The following EPM2A variants were observed in gnomAD, a reference collection of about 807,000 sequenced individuals.
EPM2A encodes EPM2A glucan phosphatase, laforin.
EPM2A carries 21 observed loss-of-function variants against 26.5 expected under a neutral mutation model. The ratio of observed to expected loss-of-function variants is 0.79; its 90% CI spans 0.56 to 1.14. The LOEUF is 1.14. Ranked by LOEUF, EPM2A falls within the 50% of genes most tolerant of loss-of-function variation. EPM2A has a pLI of 0.00. For synonymous variants in EPM2A, 217 were observed against 177.6 expected, an observed-to-expected ratio of 1.22 and a Z score of -1.76; for missense variants, 458 against 440.8, an observed-to-expected ratio of 1.04 and a Z score of -0.35.
chr6:145,524,165 T>C (rs1245745329), intron 2 of EPM2A, among the ~76,000 whole-genome samples: 2 of 152,224 alleles, frequency 1.3e-5, no homozygotes, highest in East Asian at 3.8e-4. Context: ...ATGTATGTAC[T>C]ATATTTTCTT....
chr6:145,725,234 A>T (rs1776141623), intron 1 of EPM2A, among the ~76,000 whole-genome samples: 1 of 152,124 alleles, frequency 6.6e-6, no homozygotes, highest in Non-Finnish European at 1.5e-5. Context: ...GCACATCTAA[A>T]CAATGAGATA....
chr6:145,596,082 G>T (rs1287358262), intron 2 of EPM2A, among the ~76,000 whole-genome samples: 2 of 152,136 alleles, frequency 1.3e-5, no homozygotes, highest in Admixed American at 6.5e-5. Context: ...AGTCAAGGAA[G>T]TATGTTTGTA....
At chr6:145,620,763 G>T (rs575688582), downstream of EPM2A, among the ~76,000 whole-genome samples, 13 of 152,068 alleles carry the variant, frequency 8.5e-5, no homozygotes, top group South Asian at 2.7e-3. Context: ...TGCCATACTA[G>T]TTCATTTAAT....
intron 2 of EPM2A, chr6:145,670,969 A>G (rs1171401306): frequency 2.0e-6 from 2 of 984,430 alleles, no homozygotes; most frequent in Non-Finnish European, 2.4e-6. Flanking sequence ...ACTGATATGA[A>G]CAATTGTAAT....
intron 2 of EPM2A, among the ~76,000 whole-genome samples, chr6:145,662,931 A>C (rs1022326964): frequency 1.3e-5 from 2 of 152,028 alleles, no homozygotes; most frequent in African/African-American, 4.8e-5. Context: ...GTCAAAATAC[A>C]ATCTTAAGAC....
chr6:145,498,401 A>G (rs1394544717), downstream of EPM2A, among the ~76,000 whole-genome samples: 3 of 152,180 alleles, frequency 2.0e-5, no homozygotes, highest in African/African-American at 7.2e-5. Flanking sequence ...CACTTTTACC[A>G]GGGATCCTGG....
At chr6:145,420,693 T>C (rs1582741688) in intron 4 of EPM2A, among the ~76,000 whole-genome samples, 1 of 152,270 alleles carries the variant, frequency 6.6e-6, no homozygotes, top group Middle Eastern at 3.4e-3. Flanking sequence ...TCTTACTGCC[T>C]TAGTTCATTT....
chr6:145,386,583 G>T (rs1191140571), intron 4 of EPM2A, among the ~76,000 whole-genome samples: 1 of 151,892 alleles, frequency 6.6e-6, no homozygotes, highest in Non-Finnish European at 1.5e-5. Flanking sequence ...TTTTTTTAAA[G>T]TTCTTCACAC....
chr6:145,680,619 C>T (rs1227180584), intron 2 of EPM2A, among the ~76,000 whole-genome samples: 8 of 151,634 alleles, frequency 5.3e-5, no homozygotes, highest in African/African-American at 1.9e-4. Context: ...TCAATTCCCA[C>T]CTATGAGTGA....
At chr6:145,619,232 A>C (rs967925497) in intron 2 of EPM2A, among the ~76,000 whole-genome samples, 3 of 152,170 alleles carry the variant, frequency 2.0e-5, no homozygotes, top group African/African-American at 7.2e-5. Context: ...TTGATATATA[A>C]GCCTTGTACT....
chr6:145,576,245 G>A (rs148568326), intron 2 of EPM2A, among the ~76,000 whole-genome samples: 54 of 152,294 alleles, frequency 3.5e-4, no homozygotes, highest in African/African-American at 1.2e-3. Flanking sequence ...GCTACATGGG[G>A]AATGGAAAGA....
chr6:145,694,092 T>G (rs916761172), intron 1 of EPM2A, among the ~76,000 whole-genome samples: 1 of 152,044 alleles, frequency 6.6e-6, no homozygotes, highest in Non-Finnish European at 1.5e-5. Flanking sequence ...TGGATAGGTG[T>G]AGTCTCCTTA....
intron 4 of EPM2A, among the ~76,000 whole-genome samples, chr6:145,460,943 G>A (rs970405195): frequency 3.3e-5 from 5 of 151,956 alleles, no homozygotes; most frequent in Non-Finnish European, 4.4e-5. Flanking sequence ...GGAGCATATC[G>A]ACATGAAGTA....
In EPM2A at chr6:145,627,301, G is replaced by C; in HGVS notation, c.*115C>G. 2 of 1,586,984 alleles carry C rather than the reference G, an allele frequency of 1.3e-6. No individual in the cohort carries two copies. Among genetic ancestry groups the C allele is most frequent in the Non-Finnish European group, 1.7e-6 (2 of 1,173,468 alleles). On this transcript the variant is annotated 3_prime_UTR_variant, in exon 4 of 4. Transcript: ENST00000367519. The stretch of plus-strand genomic sequence containing the variant: ...ATCCCAGGTGAAAGTGGTTGGCTTG[G>C]GGGAGGTCACACAGTCCTTTCAGTT...
At chr6:145,656,197 C>G (rs550581901) in intron 2 of EPM2A, among the ~76,000 whole-genome samples, 1 of 152,334 alleles carries the variant, frequency 6.6e-6, no homozygotes, top group South Asian at 2.1e-4. Flanking sequence ...AAAAACTAAA[C>G]TAGCAAGTAG....
At chr6:145,633,849 G>A (rs963064800) in intron 3 of EPM2A, 1 of 152,228 alleles carries the variant, frequency 6.6e-6, no homozygotes, top group African/African-American at 2.4e-5. Context: ...AGCTGGTAAA[G>A]TTGCTGTCTG....
chr6:145,483,365 T>C (rs1351187513), intron 4 of EPM2A, among the ~76,000 whole-genome samples: 1 of 151,988 alleles, frequency 6.6e-6, no homozygotes, highest in Non-Finnish European at 1.5e-5. Flanking sequence ...TTTCTATACC[T>C]CTCTGAAACA....
chr6:145,507,975 G>C (rs776418525), intron 2 of EPM2A, among the ~76,000 whole-genome samples: 9 of 152,124 alleles, frequency 5.9e-5, no homozygotes, highest in Non-Finnish European at 1.3e-4. Flanking sequence ...GAGGGAGGTG[G>C]ACACCACTTC....
chr6:145,548,193 A>T (rs1780610410), intron 2 of EPM2A, among the ~76,000 whole-genome samples: 1 of 152,086 alleles, frequency 6.6e-6, no homozygotes, highest in Non-Finnish European at 1.5e-5. Flanking sequence ...AGACTCCTCA[A>T]TTTCCACAAA....
Sources: gnomAD v4.1 joint callset for allele counts (sites outside exome capture counted in the v4.1 genomes callset) on GRCh38, gnomAD v4.1.1 for gene constraint, MANE v1.5 for transcripts, NCBI Gene and HGNC (gene_info 2026-07-23, HGNC 2026-07-21) for gene names.